RALGPS2: variants seen among roughly 807,000 people sequenced by gnomAD.
RALGPS2 encodes the protein Ral GEF with PH domain and SH3 binding motif 2.
In RALGPS2, 43 loss-of-function variants were observed where a neutral mutation model predicts 86.8. That is an observed-to-expected ratio of 0.50 (90% CI 0.39 to 0.64). The LOEUF (loss-of-function observed/expected upper bound fraction) is 0.64. Ranked by LOEUF, RALGPS2 falls within the 30% of genes least tolerant of loss-of-function variation. The probability of loss-of-function intolerance (pLI) is 0.00; values close to 1 mark genes in which losing one functional copy is unlikely to be tolerated. For missense variants in RALGPS2, 536 were observed against 694.6 expected (o/e 0.77, Z 2.57); for synonymous variants, 243 against 231.3 (o/e 1.05, Z -0.46).
chr1:178,871,114 C>G (rs1658732281), intron 8 of RALGPS2: 1 of 152,056 alleles, frequency 6.6e-6, no homozygotes. Flanking sequence ...TCAGTAGACT[C>G]AAGTTCAGCC....
intron 4 of RALGPS2, 74 bp downstream of exon 4, chr1:178,785,681 A>C: frequency 2.0e-6 from 3 of 1,476,646 alleles, no homozygotes; most frequent in Non-Finnish European, 2.7e-6. Flanking sequence ...TAGAAATGTC[A>C]AATTATACTT....
intron 8 of RALGPS2, chr1:178,852,757 TTTCCCTGGTAAG>T (rs1209147577): frequency 6.2e-7 from 1 of 1,613,930 alleles, no homozygotes; most frequent in South Asian, 1.1e-5. Flanking sequence ...ATCCCCTGCA[TTTCCCTGGTAAG>T]TTCCCAGGCG....
intron 18 of RALGPS2, 86 bp downstream of exon 18, chr1:178,902,297 A>G (rs1236965704): frequency 2.1e-5 from 22 of 1,062,148 alleles, no homozygotes; most frequent in Non-Finnish European, 3.1e-5. Flanking sequence ...TATACTTGTC[A>G]TATATATAAT....
chr1:178,766,520 C>T (rs1652516098), intron 1 of RALGPS2, among the ~76,000 whole-genome samples: 2 of 152,070 alleles, frequency 1.3e-5, no homozygotes, highest in African/African-American at 4.8e-5. Flanking sequence ...TGAGCCACCG[C>T]ACCTAGTCAG....
chr1:178,794,233 C>G (rs190825841), intron 4 of RALGPS2, among the ~76,000 whole-genome samples: 1 of 152,180 alleles, frequency 6.6e-6, no homozygotes, highest in Non-Finnish European at 1.5e-5. Context: ...TCTCATGCTT[C>G]AGCCTCCAGA....
intron 19 of RALGPS2, among the ~76,000 whole-genome samples, chr1:178,914,179 C>T (rs1411077470): frequency 6.6e-6 from 1 of 152,142 alleles, no homozygotes; most frequent in Admixed American, 6.5e-5. Flanking sequence ...GTCAGAGCCA[C>T]CTAGAGGAGT....
intron 8 of RALGPS2, among the ~76,000 whole-genome samples, chr1:178,842,961 TC>T (rs1656666307): frequency 6.7e-6 from 1 of 150,038 alleles, no homozygotes; most frequent in South Asian, 2.1e-4. Flanking sequence ...AGATACCATC[TC>T]ACACCAGTTA....
At position 178,833,165 on chromosome 1, in the gene RALGPS2, A is replaced by G. The variant is rs1656106605; in HGVS notation, c.481-259A>G. Among the ~76,000 whole-genome samples, 8 of 152,198 alleles carry G rather than the reference A, an allele frequency of 5.3e-5. 1 individual carries two copies. The South Asian group carries it at 1.4e-3, about 28-fold the overall frequency. On this transcript the variant is annotated intron_variant, in intron 7 of 19. Coordinates refer to ENST00000367635, the MANE Select transcript of RALGPS2 (RefSeq NM_152663.5). ...GATTAATAAAAATTGATTAATTTAA[A>G]ATAGTAAACACGAAAATGTTATAAT...
chr1:178,910,258 G>A (rs762889619), intron 19 of RALGPS2, among the ~76,000 whole-genome samples: 9 of 151,952 alleles, frequency 5.9e-5, no homozygotes, highest in South Asian at 2.1e-4. Context: ...TTTCTTTCTC[G>A]TGTCTGATTG....
intron 2 of RALGPS2, among the ~76,000 whole-genome samples, chr1:178,777,406 T>C (rs1234468628): frequency 1.3e-5 from 2 of 151,808 alleles, no homozygotes; most frequent in Non-Finnish European, 2.9e-5. Flanking sequence ...TACAAACAAA[T>C]GGAAGAACAT....
Position 178,893,978 on chromosome 1 carries a change from G to A in RALGPS2, c.1385G>A (p.Gly462Asp). ...HLYPGAVTIQ[G>D]VLRRKTLLKE... ...TATCCAGGAGCTGTTACTATTCAAG[G>A]TGTTCTCAGGAGAAAAACTTTGTTA... The change falls in exon 16 of 20, where the codon GGT (glycine) becomes GAT (aspartate). Residue 462 changes from glycine (G) to aspartate (D), a missense_variant. Around this residue, in one of 3 missense-constraint regions of RALGPS2, gnomAD observed 309 missense variants for 363.0 expected, o/e 0.85. Coordinates refer to ENST00000367635, the MANE Select transcript of RALGPS2 (RefSeq NM_152663.5). The A allele has an allele frequency of 6.2e-7, 1 of 1,608,358 alleles. No homozygotes were observed. Among genetic ancestry groups the A allele is most frequent in the Non-Finnish European group, 8.5e-7 (1 of 1,176,588 alleles).
At chr1:178,750,907 T>A (rs1363976526) in intron 1 of RALGPS2, among the ~76,000 whole-genome samples, 1 of 152,158 alleles carries the variant, frequency 6.6e-6, no homozygotes, top group African/African-American at 2.4e-5. Context: ...CACTAATAGC[T>A]ATGGATCCAG....
chr1:178,729,156 TTTTC>T (rs1650197859), intron 1 of RALGPS2, among the ~76,000 whole-genome samples: 1 of 152,220 alleles, frequency 6.6e-6, no homozygotes, highest in Non-Finnish European at 1.5e-5. Context: ...ATGACCTTTT[TTTTC>T]AGAACAGATT....
intron 8 of RALGPS2, among the ~76,000 whole-genome samples, chr1:178,834,618 G>A (rs1055772396): frequency 6.6e-6 from 1 of 152,142 alleles, no homozygotes; most frequent in African/African-American, 2.4e-5. Flanking sequence ...AGAGTTAGTG[G>A]CCACTGCATC....
chr1:178,761,967 G>A (rs771296947), intron 1 of RALGPS2, among the ~76,000 whole-genome samples: 2 of 152,144 alleles, frequency 1.3e-5, no homozygotes, highest in Non-Finnish European at 2.9e-5. Flanking sequence ...CAGGTAATAA[G>A]CATAGTACCC....
rs571624748 is a variant in RALGPS2 at position 178,899,567 on chromosome 1, G to A, written c.1524+1811G>A. On this transcript the variant is annotated intron_variant, in intron 17 of 19. Transcript: ENST00000367635. ...AAATATCTGCTATATGTAAGCAACC[G>A]AAAAAGGATTAAAATCACCATTTAA... Among the ~76,000 whole-genome samples, 345 of 150,868 alleles carry A rather than the reference G, an allele frequency of 2.3e-3. 2 individuals are homozygous for A. In the Middle Eastern group the frequency reaches 0.045, roughly 20 times the overall value.
At chr1:178,841,596 AG>A (rs1656611622) in intron 8 of RALGPS2, among the ~76,000 whole-genome samples, 1 of 30,088 alleles carries the variant, frequency 3.3e-5, no homozygotes, top group Admixed American at 4.2e-4. Flanking sequence ...GGCACAAGAC[AG>A]GGATGCCCTC....
At chr1:178,856,794 G>T (rs190965771) in intron 8 of RALGPS2, among the ~76,000 whole-genome samples, 5 of 152,182 alleles carry the variant, frequency 3.3e-5, no homozygotes, top group Admixed American at 3.3e-4. Context: ...CATCAAAGAT[G>T]AATGTACAGT....
At chr1:178,796,488 T>C (rs137977544) in intron 4 of RALGPS2, among the ~76,000 whole-genome samples, 2 of 152,262 alleles carry the variant, frequency 1.3e-5, no homozygotes, top group East Asian at 3.9e-4. Flanking sequence ...ATCTTCTCTT[T>C]GTTAGGATCT....
Sources: allele counts gnomAD v4.1 joint callset (sites outside exome capture counted in the v4.1 genomes callset), GRCh38; gene constraint gnomAD v4.1.1; regional missense constraint gnomAD v4.1.1; transcripts MANE v1.5; gene names NCBI Gene and HGNC (gene_info 2026-07-23, HGNC 2026-07-21).